Variants in CTNNA2 observed in about 807,000 individuals in gnomAD.
CTNNA2 encodes the protein catenin alpha 2, also known as catenin alpha-2.
A neutral mutation model predicts 101.0 loss-of-function variants in CTNNA2; 42 were observed. The ratio of observed to expected loss-of-function variants is 0.42; its 90% CI spans 0.32 to 0.54. The LOEUF is 0.54. Ranked by LOEUF, CTNNA2 falls within the 20% of genes least tolerant of loss-of-function variation. CTNNA2 has a pLI of 0.14. For missense variants in CTNNA2, 871 were observed against 1,223.1 expected, an observed-to-expected ratio of 0.71 and a Z score of 4.29; for synonymous variants, 450 against 456.4, an observed-to-expected ratio of 0.99 and a Z score of 0.18.
chr2:79,849,994 C>G (rs1044572565), intron 3 of CTNNA2, among the ~76,000 whole-genome samples: 1 of 152,150 alleles, frequency 6.6e-6, no homozygotes, highest in Non-Finnish European at 1.5e-5. Context: ...ATTATGATTT[C>G]TTCACTGATT....
chr2:80,036,588 GAGTGA>G (rs1695665798), intron 7 of CTNNA2, among the ~76,000 whole-genome samples: 1 of 152,110 alleles, frequency 6.6e-6, no homozygotes, highest in Non-Finnish European at 1.5e-5. Flanking sequence ...CTGGGCAACA[GAGTGA>G]GACCCTGTCT....
intron 3 of CTNNA2, among the ~76,000 whole-genome samples, chr2:79,346,809 C>T (rs1481485382): frequency 1.3e-5 from 2 of 152,234 alleles, no homozygotes; most frequent in Non-Finnish European, 2.9e-5. Context: ...CTAAACCTCT[C>T]ATGCTCCCTT....
intron 1 of CTNNA2, among the ~76,000 whole-genome samples, chr2:79,634,913 T>C (rs1573529817): frequency 6.6e-6 from 1 of 151,424 alleles, no homozygotes; most frequent in Non-Finnish European, 1.5e-5. Flanking sequence ...TGGGGGAGAG[T>C]TAATATATTT....
intron 3 of CTNNA2, among the ~76,000 whole-genome samples, chr2:79,855,993 G>A (rs949866581): frequency 6.6e-6 from 1 of 152,230 alleles, no homozygotes; most frequent in African/African-American, 2.4e-5. Context: ...AGAGGCAAGA[G>A]GAGGAGATGT....
At chr2:79,994,987 G>A (rs1204103040) in intron 7 of CTNNA2, among the ~76,000 whole-genome samples, 1 of 152,150 alleles carries the variant, frequency 6.6e-6, no homozygotes, top group Non-Finnish European at 1.5e-5. Flanking sequence ...CATAATTGGA[G>A]CAGAGGGATG....
intron 2 of CTNNA2, among the ~76,000 whole-genome samples, chr2:79,725,126 T>TA (rs1686747758): frequency 6.6e-6 from 1 of 152,210 alleles, no homozygotes; most frequent in African/African-American, 2.4e-5. Flanking sequence ...TCCATGATGA[T>TA]ATATGTCTTT....
At chr2:79,767,676 C>T (rs79261147) in intron 3 of CTNNA2, among the ~76,000 whole-genome samples, 23,130 of 151,802 alleles carry the variant, frequency 0.15, 2,031 homozygotes, top group Admixed American at 0.21. Flanking sequence ...TTGTTCTCCT[C>T]CCTTCAAGGC....
intron 2 of CTNNA2, among the ~76,000 whole-genome samples, chr2:79,280,701 G>GAGAGAGAGAGAGAGAGAGAGAGAGAC: frequency 6.8e-6 from 1 of 147,380 alleles, no homozygotes; most frequent in Admixed American, 6.8e-5. Context: ...GAGAGAGAGA[G>GAGAGAGAGAGAGAGAGAGAGAGAGAC]ACCTATAGCT....
intron 7 of CTNNA2, among the ~76,000 whole-genome samples, chr2:80,224,620 A>G (rs1708766901): frequency 6.6e-6 from 1 of 151,564 alleles, no homozygotes; most frequent in African/African-American, 2.4e-5. Context: ...AATGTTTTGT[A>G]TTTTTAGTAG....
intron 1 of CTNNA2, among the ~76,000 whole-genome samples, chr2:79,527,474 C>CAAAAAAA (rs58822666): frequency 5.9e-5 from 5 of 85,226 alleles, no homozygotes; most frequent in Non-Finnish European, 9.9e-5. Context: ...ACTAAAAATA[C>CAAAAAAA]AAAAAAAAAA....
At chr2:79,630,949 T>C (rs2104356972) in intron 1 of CTNNA2, among the ~76,000 whole-genome samples, 1 of 150,308 alleles carries the variant, frequency 6.7e-6, no homozygotes, top group South Asian at 2.1e-4. Flanking sequence ...TATATTTAGA[T>C]AACAATTTCC....
At chr2:79,889,046 G>C (rs979870842) in intron 6 of CTNNA2, among the ~76,000 whole-genome samples, 11 of 152,122 alleles carry the variant, frequency 7.2e-5, no homozygotes, top group Non-Finnish European at 1.2e-4. Context: ...TCTTATGTTA[G>C]TACTGCTAAT....
At chr2:80,628,455 C>A (rs1671922349) in intron 18 of CTNNA2, among the ~76,000 whole-genome samples, 1 of 151,706 alleles carries the variant, frequency 6.6e-6, no homozygotes, top group East Asian at 2.0e-4. Flanking sequence ...TCAGAAATAA[C>A]ACCACACATC....
intron 6 of CTNNA2, among the ~76,000 whole-genome samples, chr2:79,905,483 C>T (rs751524128): frequency 1.1e-4 from 17 of 152,292 alleles, no homozygotes; most frequent in Middle Eastern, 3.4e-3. Context: ...GTCACAGGAG[C>T]ATACTTTTGC....
At chr2:79,649,399 T>C (rs531405178) in intron 1 of CTNNA2, 1 of 154,916 alleles carries the variant, frequency 6.5e-6, no homozygotes, top group South Asian at 2.0e-4. Context: ...ATTATGCCAC[T>C]TGTGATTCCA....
At chr2:79,442,337 A>G (rs1678786191) in intron 4 of CTNNA2, among the ~76,000 whole-genome samples, 2 of 152,174 alleles carry the variant, frequency 1.3e-5, no homozygotes, top group Non-Finnish European at 2.9e-5. Context: ...TCCACTCATC[A>G]TATACAAACA....
chr2:79,359,111 G>T (rs1336890346), intron 3 of CTNNA2, among the ~76,000 whole-genome samples: 1 of 152,096 alleles, frequency 6.6e-6, no homozygotes, highest in Non-Finnish European at 1.5e-5. Flanking sequence ...AACATAAAAA[G>T]ATGGGACATG....
At chr2:79,296,536 A>G (rs568187607) in intron 2 of CTNNA2, among the ~76,000 whole-genome samples, 1 of 152,264 alleles carries the variant, frequency 6.6e-6, no homozygotes, top group East Asian at 1.9e-4. Flanking sequence ...TACACTTATT[A>G]TGCACTCTAG....
chr2:80,173,092 G>T (rs562726127), intron 7 of CTNNA2, among the ~76,000 whole-genome samples: 3 of 152,256 alleles, frequency 2.0e-5, no homozygotes, highest in African/African-American at 7.2e-5. Context: ...GCACATTAAA[G>T]TTTGAGAAGC....
Sources: allele counts gnomAD v4.1 joint callset (sites outside exome capture counted in the v4.1 genomes callset), GRCh38; gene constraint gnomAD v4.1.1; transcripts MANE v1.5; gene names NCBI Gene and HGNC (gene_info 2026-07-23, HGNC 2026-07-21).